CEP57: variants seen among roughly 807,000 people sequenced by gnomAD.
The protein encoded by CEP57 is centrosomal protein of 57 kDa.
CEP57 carries 40 observed loss-of-function variants against 68.0 expected under a neutral mutation model. That is an observed-to-expected ratio of 0.59 (90% CI 0.46 to 0.77). CEP57 has a LOEUF of 0.77. Among genes scored for constraint, CEP57 ranks in the 30% least tolerant of loss-of-function variants. CEP57 has a pLI of 0.00. For synonymous variants in CEP57, 219 were observed against 198.7 expected (o/e 1.10, Z -0.86); for missense variants, 606 against 580.7 (o/e 1.04, Z -0.45).
chr11:95,817,666 A>AT, intron 4 of CEP57, 121 bp from the exon 5 acceptor site: 1 of 730,808 alleles, frequency 1.4e-6, no homozygotes. Context: ...TTTCATCTTA[A>AT]TGTTATTTTC....
intron 1 of CEP57, among the ~76,000 whole-genome samples, chr11:95,794,856 C>A (rs1363600682): frequency 6.6e-6 from 1 of 152,052 alleles, no homozygotes; most frequent in African/African-American, 2.4e-5. Context: ...AATTTGTATG[C>A]TGTGAGATAG....
In CEP57 at chr11:95,831,820, A is replaced by C. The variant is rs1348330480; in HGVS notation, c.*564A>C. 1.3e-5 allele frequency: 2 copies of C among 152,100 alleles called. No individual in the cohort carries two copies. The highest frequency in any genetic ancestry group is 2.4e-5 in the African/African-American group (1 of 41,440). 9.4% of individuals were successfully genotyped at this position (152,100 alleles called of 1,614,324 possible). A position where few individuals can be genotyped will look rare whatever the true frequency, so the allele number is the denominator to read the frequency against. On this transcript the variant is annotated 3_prime_UTR_variant, in exon 11 of 11. Transcript: ENST00000325542. Reference sequence around the variant, plus strand: ...GGCATTTCAGACTTTGATCAGTGTTAAGTGCACTTGTATTGCTTTTTAATC... The same window carrying C: ...GGCATTTCAGACTTTGATCAGTGTTCAGTGCACTTGTATTGCTTTTTAATC...
In CEP57 at chr11:95,818,907, A is replaced by G. The variant is rs545967011; in HGVS notation, c.699+3A>G. The G allele has an allele frequency of 5.0e-6, 8 of 1,612,484 alleles. No individual in the cohort carries two copies. The African/African-American group carries it at 8.0e-5, about 16-fold the overall frequency. On this transcript the variant is annotated splice_donor_region_variant and intron_variant, in intron 6 of 10. Transcript: ENST00000325542. ...GCATGCAAGCTAAGGCAGCTGAGGT[A>G]AGTTAAAATGTGAGAAAGTGGGCTC...
chr11:95,798,397 A>G (rs1038561740), intron 1 of CEP57, among the ~76,000 whole-genome samples: 2 of 152,200 alleles, frequency 1.3e-5, no homozygotes, highest in Non-Finnish European at 2.9e-5. Flanking sequence ...TTGTACTTTT[A>G]TGAACACGGA....
At chr11:95,796,523 G>A (rs1190313007) in intron 1 of CEP57, among the ~76,000 whole-genome samples, 1 of 152,202 alleles carries the variant, frequency 6.6e-6, no homozygotes, top group African/African-American at 2.4e-5. Context: ...TGTTGAAAAG[G>A]ATAATCTTTT....
chr11:95,831,452 G>C lies in CEP57; in HGVS notation c.*196G>C. On this transcript the variant is annotated 3_prime_UTR_variant, in exon 11 of 11. Coordinates refer to ENST00000325542, the MANE Select transcript of CEP57 (RefSeq NM_014679.5). ...GTTAAAGCATTTAAATGGAAACCAG[G>C]GGAGTTTTAAAGCCCGAGAAACCAC... is the stretch of plus-strand genomic sequence containing the variant. 2.0e-6 allele frequency: 1 copy of C among 504,174 alleles called. No homozygotes were observed. The highest frequency in any genetic ancestry group is 3.6e-6 in the Non-Finnish European group (1 of 280,980). 31.2% of individuals were successfully genotyped at this position (504,174 alleles called of 1,614,324 possible).
intron 1 of CEP57, among the ~76,000 whole-genome samples, chr11:95,791,704 GT>G (rs1003485034): frequency 4.6e-5 from 7 of 152,196 alleles, no homozygotes; most frequent in African/African-American, 1.4e-4. Flanking sequence ...GCTAGAGAAG[GT>G]TTCCTAGAAG....
At chr11:95,797,076 G>A (rs996683883) in intron 1 of CEP57, among the ~76,000 whole-genome samples, 6 of 151,760 alleles carry the variant, frequency 4.0e-5, no homozygotes, top group African/African-American at 1.5e-4. Context: ...ATTATTGTCC[G>A]CTGGTCACTG....
At chr11:95,812,223 A>G in intron 2 of CEP57, among the ~76,000 whole-genome samples, 1 of 152,090 alleles carries the variant, frequency 6.6e-6, no homozygotes, top group East Asian at 1.9e-4. Context: ...ATGTATTAAT[A>G]AGTAATAGTT....
At chr11:95,794,585 T>TG (rs1228529519) in intron 1 of CEP57, among the ~76,000 whole-genome samples, 1 of 152,104 alleles carries the variant, frequency 6.6e-6, no homozygotes, top group African/African-American at 2.4e-5. Flanking sequence ...TGTGTGTGTG[T>TG]TCTTCTGTGA....
chr11:95,829,093 A>G (rs891307003), intron 9 of CEP57, 94 bp from the exon 10 acceptor site: 63 of 1,320,858 alleles, frequency 4.8e-5, no homozygotes, highest in Non-Finnish European at 6.4e-5. Context: ...GTCATTTTTT[A>G]AACACATGGA....
chr11:95,820,036 TAACA>T (rs1185839908), intron 6 of CEP57, among the ~76,000 whole-genome samples: 3 of 152,236 alleles, frequency 2.0e-5, no homozygotes, highest in African/African-American at 7.2e-5. Flanking sequence ...TCCATACTTG[TAACA>T]AACAAACTTG....
chr11:95,812,261 TAAG>T (rs1862098396), intron 2 of CEP57, among the ~76,000 whole-genome samples: 1 of 152,074 alleles, frequency 6.6e-6, no homozygotes, highest in African/African-American at 2.4e-5. Context: ...TTTTAATTAA[TAAG>T]TAATATATTA....
intron 2 of CEP57, among the ~76,000 whole-genome samples, chr11:95,800,138 G>A (rs931155684): frequency 6.6e-6 from 1 of 152,160 alleles, no homozygotes; most frequent in Non-Finnish European, 1.5e-5. Context: ...TCTGTTTAGA[G>A]CCTTACAAGG....
intron 6 of CEP57, among the ~76,000 whole-genome samples, chr11:95,819,762 A>G (rs769594742): frequency 6.6e-6 from 1 of 152,212 alleles, no homozygotes; most frequent in Non-Finnish European, 1.5e-5. Context: ...GGCTCACTTC[A>G]TATATGTGAT....
intron 4 of CEP57, chr11:95,815,265 GTAAT>G (rs2135328565): frequency 6.6e-6 from 1 of 152,280 alleles, no homozygotes; most frequent in South Asian, 2.1e-4. Context: ...AGATGTCTCA[GTAAT>G]TAATTCTTGT....
intron 6 of CEP57, among the ~76,000 whole-genome samples, chr11:95,819,196 A>G (rs1447965887): frequency 6.6e-6 from 1 of 152,246 alleles, no homozygotes; most frequent in Non-Finnish European, 1.5e-5. Context: ...GTAATCATGT[A>G]AAACTTCTTA....
intron 1 of CEP57, chr11:95,794,305 AAGAG>A (rs774063248): frequency 2.2e-6 from 1 of 455,798 alleles, no homozygotes. Context: ...TTCAAGAAAG[AAGAG>A]AGAGAAAATC....
Position 95,829,205 on chromosome 11 carries a change from A to C in CEP57, c.1146A>C (p.Ala382=), listed in dbSNP as rs949934360. Residue 382 remains alanine, a synonymous_variant, in exon 10 of 11, where the codon GCA becomes GCC. Transcript: ENST00000325542. ...GQMSFDHQQL[A]KLIQESPTVE... ...TATATAGTGATCACCAGCAGCTTGC[A>C]AAACTTATCCAGGAGTCGCCAACCG... is the stretch of plus-strand genomic sequence containing the variant. 4.3e-6 allele frequency: 7 copies of C among 1,614,052 alleles called. No individual in the cohort carries two copies. The East Asian group carries it at 1.3e-4, about 31-fold the overall frequency.
Sources: allele counts gnomAD v4.1 joint callset (sites outside exome capture counted in the v4.1 genomes callset), GRCh38; gene constraint gnomAD v4.1.1; transcripts MANE v1.5; gene names NCBI Gene and HGNC (gene_info 2026-07-23, HGNC 2026-07-21).